THADA: variants seen among roughly 807,000 people sequenced by gnomAD.
THADA encodes THADA armadillo repeat containing.
Under a neutral mutation model 219.8 loss-of-function variants are expected in THADA, and 213 were observed. The observed-to-expected ratio is 0.97, with a 90% CI of 0.87 to 1.09. The LOEUF (loss-of-function observed/expected upper bound fraction) is 1.09. THADA is among the 50% of genes least tolerant of loss of function. The probability of loss-of-function intolerance (pLI) is 0.00; values close to 1 mark genes in which losing one functional copy is unlikely to be tolerated. For missense variants in THADA, 2,956 were observed against 2,311.3 expected (o/e 1.28, Z -5.72); for synonymous variants, 1,018 against 828.9 (o/e 1.23, Z -3.92).
intron 31 of THADA, among the ~76,000 whole-genome samples, chr2:43,308,656 C>A (rs1338755648): frequency 6.6e-6 from 1 of 150,576 alleles, no homozygotes; most frequent in African/African-American, 2.4e-5. Context: ...GAGCCATGAT[C>A]TCGCCATTGC....
At chr2:43,347,971 G>GGGGCAGTGTGGAGGTCATAGCAGAA (rs1221037974) in intron 29 of THADA, among the ~76,000 whole-genome samples, 1 of 152,148 alleles carries the variant, frequency 6.6e-6, no homozygotes, top group Non-Finnish European at 1.5e-5. Flanking sequence ...AAAAAAGCCA[G>GGGGCAGTGTGGAGGTCATAGCAGAA]GGGCAGTGTG....
chr2:43,549,902 C>T lies in THADA; in HGVS notation c.2948-534G>A, dbSNP rs1696549525. On this transcript the variant is annotated intron_variant, in intron 19 of 37. Coordinates refer to ENST00000405975, the MANE Select transcript of THADA (RefSeq NM_022065.5). ...AAGGTAAAAAGACATTTTTAAAAAC[C>T]CATCAACAGCAAAAACAATCTTTTA... Among the ~76,000 whole-genome samples the T allele has an allele frequency of 3.3e-5, 5 of 151,914 alleles. No individual in the cohort carries two copies. In the South Asian group the frequency reaches 1.0e-3, roughly 32 times the overall value.
chr2:43,358,077 G>C (rs1669077102), intron 29 of THADA, among the ~76,000 whole-genome samples: 1 of 152,062 alleles, frequency 6.6e-6, no homozygotes, highest in African/African-American at 2.4e-5. Flanking sequence ...ACCTGATTCA[G>C]CTGTCACCAT....
At chr2:43,250,501 C>T (rs564803033) in intron 36 of THADA, among the ~76,000 whole-genome samples, 15 of 152,128 alleles carry the variant, frequency 9.9e-5, no homozygotes, top group South Asian at 2.1e-4. Flanking sequence ...AAGTACTAAA[C>T]GCTACTGGAA....
Position 43,297,840 on chromosome 2 carries a change from C to A in THADA, c.4439-4627G>T, listed in dbSNP as rs1333246740. Among the ~76,000 whole-genome samples, 11 of 121,932 alleles carry A rather than the reference C, an allele frequency of 9.0e-5. 2 individuals are homozygous for A. The highest frequency in any genetic ancestry group is 8.2e-4 in the Admixed American group (11 of 13,354). The allele number at this position is 121,932 out of a possible 152,430, so 80.0% of individuals were successfully genotyped here. On this transcript the variant is annotated intron_variant, in intron 31 of 37. Coordinates refer to ENST00000405975, the MANE Select transcript of THADA (RefSeq NM_022065.5). ...GGGAGGTGGGGGGGGATCAGCCCCC[C>A]CGCCCGGCCAGCCGCCCCGTCCGGG...
chr2:43,581,603 A>G, intron 8 of THADA, 138 bp downstream of exon 8: 1 of 719,974 alleles, frequency 1.4e-6, no homozygotes, highest in Non-Finnish European at 2.1e-6. Context: ...GCCTCCCTCC[A>G]TTTTTGAGAG....
chr2:43,543,143 C>T (rs62138770), intron 20 of THADA, among the ~76,000 whole-genome samples: 4,086 of 149,802 alleles, frequency 0.027, 82 homozygotes, highest in African/African-American at 0.037. Context: ...TTTGTTCTTG[C>T]GATAGTTTAC....
intron 36 of THADA, among the ~76,000 whole-genome samples, chr2:43,268,553 C>G (rs948985522): frequency 6.6e-6 from 1 of 152,188 alleles, no homozygotes; most frequent in South Asian, 2.1e-4. Context: ...TCACAATCCA[C>G]CAAGCATCTT....
intron 26 of THADA, among the ~76,000 whole-genome samples, chr2:43,451,036 C>T (rs1258205627): frequency 2.0e-5 from 3 of 151,974 alleles, no homozygotes; most frequent in African/African-American, 4.8e-5. Flanking sequence ...AATGGTTACA[C>T]AAGAATATAA....
chr2:43,518,607 C>T (rs1464378711), intron 22 of THADA, among the ~76,000 whole-genome samples: 3 of 152,184 alleles, frequency 2.0e-5, no homozygotes, highest in Non-Finnish European at 4.4e-5. Flanking sequence ...GAGGTTTGTA[C>T]ACTTATGAAC....
rs199598541 is a variant in THADA, at chr2:43,498,912, C to T, written c.3665G>A (p.Arg1222His). The T allele has an allele frequency of 5.2e-5, 83 of 1,596,572 alleles. No homozygotes were observed. Among genetic ancestry groups the T allele is most frequent in the Admixed American group, 8.8e-5 (5 of 56,962 alleles). The change falls in exon 25 of 38, where the codon CGC (arginine) becomes CAC (histidine). Residue 1222 changes from arginine to histidine, a missense_variant. By Grantham distance (29) the Arg-to-His change is conservative. Transcript: ENST00000405975. ...ATAAGGAATAATATTTTCTCCCAGG[C>T]GCGTATCTCTGAACAATGCTCTAAG... The part of the protein sequence containing the change: ...NILRALFRDT[R>H]LGENIIPYVA...
chr2:43,430,903 C>T (rs999613585), intron 26 of THADA, among the ~76,000 whole-genome samples: 1 of 152,166 alleles, frequency 6.6e-6, no homozygotes, highest in African/African-American at 2.4e-5. Flanking sequence ...TGATTGAGAA[C>T]CACTGGTTTG....
rs1482973173 is a variant in THADA, at chr2:43,398,034, G to A, written c.4164C>T (p.Ser1388=). 7.4e-6 allele frequency: 12 copies of A among 1,613,840 alleles called. No individual in the cohort carries two copies. The highest frequency in any genetic ancestry group is 1.0e-5 in the Non-Finnish European group (12 of 1,179,862). Residue 1388 remains serine (S), a synonymous_variant, in exon 29 of 38, where the codon TCC becomes TCT. Coordinates refer to ENST00000405975, the MANE Select transcript of THADA (RefSeq NM_022065.5). ...ACTGGTCAGTGCAGCTGGGGAGTGT[G>A]GACAACAGAGTTCGAATGGTATTAG... ...HIPNTIRTLL[S]TLPSCTDQCF...
chr2:43,370,244 A>G (rs182806385), intron 29 of THADA: 1 of 152,318 alleles, frequency 6.6e-6, no homozygotes, highest in East Asian at 1.9e-4. Context: ...GATTTCTAGA[A>G]ACTTTTGTTA....
At chr2:43,277,948 G>GTTT (rs1672911200) in intron 36 of THADA, among the ~76,000 whole-genome samples, 1 of 134,148 alleles carries the variant, frequency 7.5e-6, no homozygotes, top group Non-Finnish European at 1.6e-5. Flanking sequence ...AGACAATATT[G>GTTT]TTCTTTTTTT....
Position 43,428,345 on chromosome 2 carries a change from T to C in THADA, c.3927-114A>G, listed in dbSNP as rs951555943. The stretch of plus-strand genomic sequence containing the variant: ...GTATATGGCCGGGTGCGGTGACTAA[T>C]GCCTGTAATCCCAGCACTTTGGGAG... On this transcript the variant is annotated intron_variant, in intron 27 of 37. Coordinates refer to ENST00000405975, the MANE Select transcript of THADA (RefSeq NM_022065.5). 2.1e-5 allele frequency: 22 copies of C among 1,042,746 alleles called. No individual in the cohort carries two copies. The African/African-American group carries it at 2.3e-4, about 11-fold the overall frequency. The allele number at this position is 1,042,746 out of a possible 1,614,324, so 64.6% of individuals were successfully genotyped here. A position where few individuals can be genotyped will look rare whatever the true frequency, so the allele number is the denominator to read the frequency against.
chr2:43,562,437 G>T (rs1698181440), intron 15 of THADA: 1 of 152,076 alleles, frequency 6.6e-6, no homozygotes, highest in Non-Finnish European at 1.5e-5. Flanking sequence ...GTAGCGACGG[G>T]GTTTCACCAT....
At chr2:43,379,163 T>A (rs1671718704) in intron 29 of THADA, among the ~76,000 whole-genome samples, 1 of 152,040 alleles carries the variant, frequency 6.6e-6, no homozygotes, top group African/African-American at 2.4e-5. Flanking sequence ...AAAAGCAAAC[T>A]CAGTTACAGT....
At chr2:43,386,680 G>A (rs1672727518) in intron 29 of THADA, among the ~76,000 whole-genome samples, 1 of 152,110 alleles carries the variant, frequency 6.6e-6, no homozygotes, top group African/African-American at 2.4e-5. Flanking sequence ...GATTACCTGA[G>A]GTTGGGGGTT....
Sources: gnomAD v4.1 joint callset for allele counts (sites outside exome capture counted in the v4.1 genomes callset) on GRCh38, gnomAD v4.1.1 for gene constraint, MANE v1.5 for transcripts, NCBI Gene and HGNC (gene_info 2026-07-23, HGNC 2026-07-21) for gene names.